Variants in TMEFF2 observed in about 807,000 individuals in gnomAD.
TMEFF2 encodes the protein tomoregulin-2.
TMEFF2 carries 28 observed loss-of-function variants against 53.8 expected under a neutral mutation model. The ratio of observed to expected loss-of-function variants is 0.52; its 90% CI spans 0.39 to 0.71. The LOEUF (loss-of-function observed/expected upper bound fraction) is 0.71, where lower values mean the gene tolerates loss of function less well. Among genes scored for constraint, TMEFF2 ranks in the 30% least tolerant of loss-of-function variants. TMEFF2 has a pLI of 0.00. For missense variants in TMEFF2, 353 were observed against 455.2 expected (o/e 0.78, Z 2.04); for synonymous variants, 162 against 166.3 (o/e 0.97, Z 0.20).
chr2:192,001,453 C>CAT (rs985391506), intron 5 of TMEFF2, among the ~76,000 whole-genome samples: 8 of 151,868 alleles, frequency 5.3e-5, no homozygotes, highest in South Asian at 2.1e-4. Context: ...GAAAAAGTCA[C>CAT]ATATATATAT....
chr2:192,019,997 C>T (rs1686826164), intron 5 of TMEFF2, among the ~76,000 whole-genome samples: 1 of 152,042 alleles, frequency 6.6e-6, no homozygotes. Flanking sequence ...AGGTTTCATA[C>T]TATGCTTCTA....
At chr2:192,026,550 C>T (rs917010355) in intron 5 of TMEFF2, among the ~76,000 whole-genome samples, 4 of 152,150 alleles carry the variant, frequency 2.6e-5, no homozygotes, top group Non-Finnish European at 5.9e-5. Context: ...GTCCTTACAA[C>T]GTCAAAAGGG....
At chr2:192,186,800 A>G (rs949642861) in intron 2 of TMEFF2, among the ~76,000 whole-genome samples, 1 of 152,110 alleles carries the variant, frequency 6.6e-6, no homozygotes, top group African/African-American at 2.4e-5. Flanking sequence ...TATCCTTCTC[A>G]GATTACTCAA....
At chr2:192,084,753 G>A (rs981781778) in intron 4 of TMEFF2, among the ~76,000 whole-genome samples, 5 of 152,178 alleles carry the variant, frequency 3.3e-5, no homozygotes, top group African/African-American at 1.2e-4. Context: ...TGTATTTTAT[G>A]ATGACAAAAA....
At chr2:192,006,648 A>G (rs1686508243) in intron 5 of TMEFF2, among the ~76,000 whole-genome samples, 1 of 152,208 alleles carries the variant, frequency 6.6e-6, no homozygotes, top group Admixed American at 6.5e-5. Context: ...ATGCATATCA[A>G]CTGCTTAACA....
chr2:191,955,429 G>A (rs148448693), intron 8 of TMEFF2, among the ~76,000 whole-genome samples: 1,606 of 150,268 alleles, frequency 0.011, 30 homozygotes, highest in African/African-American at 0.037. Context: ...GCTCACTGCA[G>A]GCTTGAACTC....
At chr2:192,042,494 G>A (rs984652112) in intron 5 of TMEFF2, among the ~76,000 whole-genome samples, 1 of 152,146 alleles carries the variant, frequency 6.6e-6, no homozygotes, top group Non-Finnish European at 1.5e-5. Context: ...TCCGTGAAGA[G>A]GTGTGCTACA....
intron 4 of TMEFF2, among the ~76,000 whole-genome samples, chr2:192,113,006 T>C (rs1262678623): frequency 6.6e-6 from 1 of 152,216 alleles, no homozygotes; most frequent in Non-Finnish European, 1.5e-5. Flanking sequence ...TGGGTTGTCT[T>C]TGTCAGCAGT....
At chr2:192,038,453 A>T (rs996501343) in intron 5 of TMEFF2, among the ~76,000 whole-genome samples, 3 of 150,956 alleles carry the variant, frequency 2.0e-5, no homozygotes, top group African/African-American at 7.3e-5. Context: ...GTTATTTTAA[A>T]TTTTTTTTTT....
At chr2:192,138,105 C>T (rs150659453) in intron 4 of TMEFF2, among the ~76,000 whole-genome samples, 529 of 152,298 alleles carry the variant, frequency 3.5e-3, no homozygotes, top group East Asian at 0.012. Context: ...AGGCATGAGC[C>T]ACTGCGCCCA....
At chr2:192,131,996 G>A (rs6735180) in intron 4 of TMEFF2, among the ~76,000 whole-genome samples, 2,143 of 151,678 alleles carry the variant, frequency 0.014, 46 homozygotes, top group African/African-American at 0.047. Flanking sequence ...AGTGCAACTC[G>A]TCCCAAATCT....
In TMEFF2 at chr2:192,192,042, CA is replaced by C. The variant is rs149574356; in HGVS notation, c.173-54del. 3.8e-4 allele frequency: 469 copies of C among 1,241,082 alleles called. 7 individuals are homozygous for C. In the South Asian group the frequency reaches 4.9e-3, roughly 13 times the overall value. 76.9% of individuals were successfully genotyped at this position (1,241,082 alleles called of 1,614,324 possible). On this transcript the variant is annotated intron_variant, in intron 1 of 9. Transcript: ENST00000272771. ...ATTAAAACATCTTACAGATTTTTAA[CA>C]AAAAAAAGCACTACTTTGAAGCTTT...
chr2:192,165,771 G>A (rs1319241616), intron 4 of TMEFF2, among the ~76,000 whole-genome samples: 4 of 151,006 alleles, frequency 2.6e-5, no homozygotes. Flanking sequence ...TAGAGACTTT[G>A]TCAAAAAGAA....
At chr2:192,147,782 A>G (rs1049168419) in intron 4 of TMEFF2, among the ~76,000 whole-genome samples, 12 of 152,030 alleles carry the variant, frequency 7.9e-5, no homozygotes, top group Non-Finnish European at 1.5e-5. Context: ...GCCATTAGCT[A>G]TTGGATGGCT....
At chr2:192,127,809 C>T (rs1050045299) in intron 4 of TMEFF2, among the ~76,000 whole-genome samples, 1 of 152,140 alleles carries the variant, frequency 6.6e-6, no homozygotes, top group Non-Finnish European at 1.5e-5. Flanking sequence ...ATCAATGAGT[C>T]AAAGCTTAGC....
At chr2:192,050,986 G>A (rs959519775) in intron 5 of TMEFF2, among the ~76,000 whole-genome samples, 2 of 152,000 alleles carry the variant, frequency 1.3e-5, no homozygotes, top group Non-Finnish European at 2.9e-5. Context: ...TTGGGCAAAT[G>A]GAATCATTAA....
chr2:191,970,989 A>T (rs374889052), intron 7 of TMEFF2, among the ~76,000 whole-genome samples: 4 of 152,182 alleles, frequency 2.6e-5, no homozygotes, highest in African/African-American at 9.7e-5. Context: ...CATCCCCAAA[A>T]TTATGTTTTT....
chr2:191,971,137 A>G (rs892232059), intron 7 of TMEFF2, among the ~76,000 whole-genome samples: 1 of 152,194 alleles, frequency 6.6e-6, no homozygotes, highest in African/African-American at 2.4e-5. Flanking sequence ...TAAGGATCCA[A>G]TGTGAGTCTA....
At chr2:191,974,196 A>T (rs766489473) in intron 7 of TMEFF2, among the ~76,000 whole-genome samples, 1 of 152,218 alleles carries the variant, frequency 6.6e-6, no homozygotes, top group Non-Finnish European at 1.5e-5. Context: ...TGAAAGAGTC[A>T]GTCATCTGGA....
Sources: gnomAD v4.1 joint callset for allele counts (sites outside exome capture counted in the v4.1 genomes callset) on GRCh38, gnomAD v4.1.1 for gene constraint, MANE v1.5 for transcripts, NCBI Gene and HGNC (gene_info 2026-07-23, HGNC 2026-07-21) for gene names.